PTGFR: variants seen among roughly 807,000 people sequenced by gnomAD.
The protein encoded by PTGFR is prostaglandin F receptor.
A neutral mutation model predicts 26.2 loss-of-function variants in PTGFR; 15 were observed. The ratio of observed to expected loss-of-function variants is 0.57; its 90% CI spans 0.38 to 0.88. The LOEUF (loss-of-function observed/expected upper bound fraction) is 0.88. PTGFR is among the 40% of genes least tolerant of loss of function. The probability of loss-of-function intolerance (pLI) is 0.00; values close to 1 mark genes in which losing one functional copy is unlikely to be tolerated. For missense variants in PTGFR, 369 were observed against 427.2 expected (o/e 0.86, Z 1.20); for synonymous variants, 165 against 151.1 (o/e 1.09, Z -0.68).
intron 2 of PTGFR, among the ~76,000 whole-genome samples, chr1:78,530,111 TAAG>T (rs34095202): frequency 0.24 from 35,725 of 151,984 alleles, 4,383 homozygotes; most frequent in South Asian, 0.35. Context: ...ATGGGACAGA[TAAG>T]AAGAAGGAAG....
In PTGFR at chr1:78,536,793, C is replaced by A; in HGVS notation, c.*106C>A. On this transcript the variant is annotated 3_prime_UTR_variant, in exon 3 of 3. Coordinates refer to ENST00000370757, the MANE Select transcript of PTGFR (RefSeq NM_000959.4). ...TAGCCTAACTGGAAAATTCAGGCTTCATCATGTAGTTTGAAGATACTATTG... is the reference window on the plus strand; with the variant it reads ...TAGCCTAACTGGAAAATTCAGGCTTAATCATGTAGTTTGAAGATACTATTG... 1 of 1,243,108 alleles carries A rather than the reference C, an allele frequency of 8.0e-7. No homozygotes were observed. Among genetic ancestry groups the A allele is most frequent in the Non-Finnish European group, 1.1e-6 (1 of 921,120 alleles). 77.0% of individuals were successfully genotyped at this position (1,243,108 alleles called of 1,614,324 possible). A position where few individuals can be genotyped will look rare whatever the true frequency, so the allele number is the denominator to read the frequency against.
chr1:78,524,906 A>ATTTTTTTT (rs35641651), intron 2 of PTGFR, among the ~76,000 whole-genome samples: 178 of 70,504 alleles, frequency 2.5e-3, no homozygotes, highest in Non-Finnish European at 3.3e-3. Flanking sequence ...CAAATGCAAG[A>ATTTTTTTT]TTTTTTTTTT....
chr1:78,535,217 T>A (rs1650616637), intron 2 of PTGFR, among the ~76,000 whole-genome samples: 1 of 151,834 alleles, frequency 6.6e-6, no homozygotes, highest in South Asian at 2.1e-4. Context: ...AAACAAAAGC[T>A]CAGGAGGGCA....
Position 78,492,888 on chromosome 1 carries a change from G to A in PTGFR, c.145G>A (p.Ala49Thr), listed in dbSNP as rs374752240. The change falls in exon 2 of 3, where the codon GCC (alanine) becomes ACC (threonine). Residue 49 changes from alanine to threonine, a missense_variant. Ala to Thr is a moderately conservative substitution (Grantham distance 58). Coordinates refer to ENST00000370757, the MANE Select transcript of PTGFR (RefSeq NM_000959.4). ...VGILSNSLAI[A>T]ILMKAYQRFR... ...AATCTTGTCAAACAGCCTTGCCATC[G>A]CCATTCTCATGAAGGCATATCAGAG... 1.9e-6 allele frequency: 3 copies of A among 1,614,158 alleles called. No homozygotes were observed. The South Asian group carries it at 3.3e-5, about 18-fold the overall frequency.
At chr1:78,531,734 G>A (rs1444404656) in intron 2 of PTGFR, among the ~76,000 whole-genome samples, 7 of 151,964 alleles carry the variant, frequency 4.6e-5, no homozygotes, top group Admixed American at 4.6e-4. Context: ...CCTAACTCCT[G>A]TGCTTGTAAT....
At chr1:78,519,817 G>A (rs1340631251) in intron 2 of PTGFR, among the ~76,000 whole-genome samples, 2 of 151,988 alleles carry the variant, frequency 1.3e-5, no homozygotes, top group African/African-American at 2.4e-5. Context: ...TATACATTGC[G>A]GTGTCTGGTG....
chr1:78,523,460 G>A (rs1650294544), intron 2 of PTGFR, among the ~76,000 whole-genome samples: 1 of 152,054 alleles, frequency 6.6e-6, no homozygotes, highest in African/African-American at 2.4e-5. Context: ...AATAATTCAG[G>A]TCGAAACTCA....
At chr1:78,511,766 A>AT (rs545347212) in intron 2 of PTGFR, among the ~76,000 whole-genome samples, 29 of 152,110 alleles carry the variant, frequency 1.9e-4, no homozygotes, top group South Asian at 1.7e-3. Context: ...CTAGCCTGTG[A>AT]TTTTTTCAAA....
chr1:78,526,106 T>C (rs1433983332), intron 2 of PTGFR, among the ~76,000 whole-genome samples: 1 of 151,960 alleles, frequency 6.6e-6, no homozygotes. Flanking sequence ...AACAAACAAG[T>C]GAAAAAAAGG....
chr1:78,498,018 G>C, intron 2 of PTGFR: 1 of 1,145,042 alleles, frequency 8.7e-7, no homozygotes, highest in South Asian at 1.4e-5. Flanking sequence ...TTACTCTTAT[G>C]CTAATATTTC....
chr1:78,534,526 GA>G (rs1557660196), intron 2 of PTGFR, among the ~76,000 whole-genome samples: 1 of 151,980 alleles, frequency 6.6e-6, no homozygotes, highest in African/African-American at 2.4e-5. Context: ...TTTCTTAGGG[GA>G]AAAAACATAA....
chr1:78,501,561 C>T (rs1264658888), intron 2 of PTGFR, among the ~76,000 whole-genome samples: 2 of 152,126 alleles, frequency 1.3e-5, no homozygotes, highest in African/African-American at 2.4e-5. Context: ...TCTCACTCCT[C>T]CTCAGCTATT....
chr1:78,527,146 T>C (rs1650392828), intron 2 of PTGFR, among the ~76,000 whole-genome samples: 1 of 152,140 alleles, frequency 6.6e-6, no homozygotes, highest in South Asian at 2.1e-4. Flanking sequence ...TGGTCAGAAA[T>C]CTGGAGATTG....
chr1:78,504,885 C>T (rs974022582), intron 2 of PTGFR, among the ~76,000 whole-genome samples: 3 of 151,900 alleles, frequency 2.0e-5, no homozygotes, highest in African/African-American at 7.3e-5. Context: ...TTTTTGGATC[C>T]TTTATCTTAT....
At chr1:78,527,578 C>T (rs573799398) in intron 2 of PTGFR, among the ~76,000 whole-genome samples, 2 of 152,180 alleles carry the variant, frequency 1.3e-5, no homozygotes, top group East Asian at 1.9e-4. Context: ...CCCTCTCTCC[C>T]CAAATCTTAC....
chr1:78,538,338 G>C lies in PTGFR; in HGVS notation c.*1651G>C, dbSNP rs552457756. The C allele has an allele frequency of 2.0e-5, 3 of 152,132 alleles. No individual in the cohort carries two copies. The highest frequency in any genetic ancestry group is 2.1e-4 in the South Asian group (1 of 4,816). The allele number at this position is 152,132 out of a possible 1,614,324, so 9.4% of individuals were successfully genotyped here. Reference sequence around the variant, plus strand: ...CTAAATAAATGGCAGAATTCTTGCTGTATTGCCATGATGTCACCCTGGCCA... The same window carrying C: ...CTAAATAAATGGCAGAATTCTTGCTCTATTGCCATGATGTCACCCTGGCCA... On this transcript the variant is annotated 3_prime_UTR_variant, in exon 3 of 3. Coordinates refer to ENST00000370757, the MANE Select transcript of PTGFR (RefSeq NM_000959.4).
intron 2 of PTGFR, among the ~76,000 whole-genome samples, chr1:78,517,509 C>A (rs1182812511): frequency 6.6e-6 from 1 of 152,108 alleles, no homozygotes; most frequent in East Asian, 1.9e-4. Flanking sequence ...GAGCTTAGTC[C>A]TGAGTGACAA....
Position 78,493,394 on chromosome 1 carries a change from G to T in PTGFR, c.651G>T (p.Leu217Phe). 6.2e-7 allele frequency: 1 copy of T among 1,613,726 alleles called. No homozygotes were observed. Among genetic ancestry groups the T allele is most frequent in the Non-Finnish European group, 8.5e-7 (1 of 1,179,892 alleles). Residue 217 changes from leucine (L) to phenylalanine (F), a missense_variant, in exon 2 of 3, where the codon TTG becomes TTT. By Grantham distance (22) the Leu-to-Phe change is conservative. Transcript: ENST00000370757. Reference protein sequence around the residue: ...FLGLLALGVSLLCNAITGITL... With the variant: ...FLGLLALGVSFLCNAITGITL... ...GGCTCTTAGCCCTTGGTGTTTCATT[G>T]TTGTGCAATGCAATCACAGGAATTA...
intron 2 of PTGFR, among the ~76,000 whole-genome samples, chr1:78,494,162 C>G (rs1038891484): frequency 6.6e-6 from 1 of 152,224 alleles, no homozygotes; most frequent in African/African-American, 2.4e-5. Flanking sequence ...TTAATTTAAC[C>G]AGCATCTGTA....
Sources: gnomAD v4.1 joint callset for allele counts (sites outside exome capture counted in the v4.1 genomes callset) on GRCh38, gnomAD v4.1.1 for gene constraint, MANE v1.5 for transcripts, NCBI Gene and HGNC (gene_info 2026-07-23, HGNC 2026-07-21) for gene names.